Variants in SHC4 observed in about 807,000 individuals in gnomAD.
SHC4 encodes the protein SHC-transforming protein 4.
In SHC4, 41 loss-of-function variants were observed where a neutral mutation model predicts 69.4. The observed-to-expected ratio is 0.59, with a 90% CI of 0.46 to 0.77. The LOEUF (loss-of-function observed/expected upper bound fraction) is 0.77, where lower values mean the gene tolerates loss of function less well. Ranked by LOEUF, SHC4 falls within the 30% of genes least tolerant of loss-of-function variation. SHC4 has a pLI of 0.00. For missense variants in SHC4, 777 were observed against 783.8 expected (o/e 0.99, Z 0.10); for synonymous variants, 318 against 299.3 (o/e 1.06, Z -0.64).
At chr15:48,956,970 C>CTTTTT (rs1234585427) in intron 1 of SHC4, among the ~76,000 whole-genome samples, 14 of 70,166 alleles carry the variant, frequency 2.0e-4, no homozygotes, top group African/African-American at 3.7e-4. Context: ...TTCTTTCTTT[C>CTTTTT]TTTCTTTTTT....
chr15:48,857,191 G>C (rs1198643056), intron 7 of SHC4, among the ~76,000 whole-genome samples: 2 of 152,080 alleles, frequency 1.3e-5, no homozygotes, highest in Non-Finnish European at 2.9e-5. Flanking sequence ...GGGTCCCACC[G>C]TGTTCCACTC....
At chr15:48,914,761 T>C (rs1017873920) in intron 2 of SHC4, among the ~76,000 whole-genome samples, 1 of 152,196 alleles carries the variant, frequency 6.6e-6, no homozygotes, top group Non-Finnish European at 1.5e-5. Context: ...ATATACGTAA[T>C]ACAAAATTTA....
chr15:48,907,540 A>G (rs1289201324), intron 2 of SHC4, among the ~76,000 whole-genome samples: 1 of 151,970 alleles, frequency 6.6e-6, no homozygotes, highest in Non-Finnish European at 1.5e-5. Context: ...CCATACTTAT[A>G]GTCTTCTATC....
At chr15:48,855,039 G>A (rs528545569) in intron 8 of SHC4, among the ~76,000 whole-genome samples, 5 of 152,104 alleles carry the variant, frequency 3.3e-5, no homozygotes, top group Non-Finnish European at 7.4e-5. Flanking sequence ...TGAGAGTGAA[G>A]GGTGGGAGGA....
In SHC4 at chr15:48,824,531, A is replaced by G. The variant is rs1567045694; in HGVS notation, c.*1440T>C. 4.6e-5 allele frequency: 7 copies of G among 152,338 alleles called. No individual in the cohort carries two copies. In the South Asian group the frequency reaches 1.4e-3, roughly 32 times the overall value. 9.4% of individuals were successfully genotyped at this position (152,338 alleles called of 1,614,324 possible). On this transcript the variant is annotated 3_prime_UTR_variant, in exon 12 of 12. Transcript: ENST00000332408. ...ATTCCCTATATTCCAAAGTTTCAGT[A>G]TTTTAGACTGAATGGTTTGGAGTCT...
chr15:48,836,491 G>T (rs1898900527), intron 10 of SHC4, among the ~76,000 whole-genome samples: 1 of 152,034 alleles, frequency 6.6e-6, no homozygotes, highest in Non-Finnish European at 1.5e-5. Flanking sequence ...TCTGAAACTT[G>T]TATGTTTAAT....
Position 48,834,914 on chromosome 15 carries a change from A to G in SHC4, c.1592T>C (p.Leu531Pro). The change falls in exon 11 of 12, where the codon CTG becomes CCG. Residue 531 changes from leucine (L) to proline (P), a missense_variant. Leu to Pro is a moderately conservative substitution (Grantham distance 98, BLOSUM62 -3). Transcript: ENST00000332408. Reference sequence around the variant, plus strand: ...GAGGCTCTCTGCCGCCTTCCTGCTCAGCTTGCCATGATAGCATTCTTCGCT... The same window carrying G: ...GAGGCTCTCTGCCGCCTTCCTGCTCGGCTTGCCATGATAGCATTCTTCGCT... ...LWSEECYHGK[L>P]SRKAAESLLV... The G allele has an allele frequency of 6.2e-7, 1 of 1,614,086 alleles. No individual in the cohort carries two copies. The highest frequency in any genetic ancestry group is 1.1e-5 in the South Asian group (1 of 91,084).
intron 5 of SHC4, among the ~76,000 whole-genome samples, chr15:48,870,513 C>T (rs1221861197): frequency 2.0e-5 from 3 of 152,124 alleles, no homozygotes; most frequent in African/African-American, 7.2e-5. Context: ...ATACCCCAGG[C>T]TAAAAGATGA....
chr15:48,869,032 C>G (rs534593014), intron 5 of SHC4, among the ~76,000 whole-genome samples: 1 of 152,166 alleles, frequency 6.6e-6, no homozygotes, highest in Non-Finnish European at 1.5e-5. Context: ...GAGACCTCTA[C>G]AGACCTCAGT....
chr15:48,957,198 G>A (rs1324711811), intron 1 of SHC4, among the ~76,000 whole-genome samples: 2 of 151,800 alleles, frequency 1.3e-5, no homozygotes, highest in Non-Finnish European at 2.9e-5. Flanking sequence ...GGCTGGTCTC[G>A]AACTCCTGAC....
chr15:48,924,227 T>C (rs1307170253), intron 2 of SHC4, among the ~76,000 whole-genome samples: 1 of 152,044 alleles, frequency 6.6e-6, no homozygotes, highest in Non-Finnish European at 1.5e-5. Flanking sequence ...TCTCACCTCA[T>C]CTCCCTCACT....
chr15:48,847,653 T>G (rs1899117819), intron 9 of SHC4, among the ~76,000 whole-genome samples: 1 of 152,242 alleles, frequency 6.6e-6, no homozygotes, highest in South Asian at 2.1e-4. Flanking sequence ...TTTGCTATTC[T>G]GGCAACTGCT....
chr15:48,883,444 A>T (rs1326285511), intron 4 of SHC4, among the ~76,000 whole-genome samples: 1 of 152,230 alleles, frequency 6.6e-6, no homozygotes, highest in East Asian at 1.9e-4. Flanking sequence ...TGCCAAGTAC[A>T]TATTAAACCT....
intron 11 of SHC4, among the ~76,000 whole-genome samples, chr15:48,826,631 C>G (rs151033500): frequency 0.023 from 3,525 of 152,258 alleles, 66 homozygotes; most frequent in Non-Finnish European, 0.034. Context: ...GTCACCCAAT[C>G]CAAATTTGCA....
At chr15:48,866,296 C>T (rs1367435633) in intron 6 of SHC4, among the ~76,000 whole-genome samples, 1 of 152,194 alleles carries the variant, frequency 6.6e-6, no homozygotes, top group Non-Finnish European at 1.5e-5. Flanking sequence ...ACTCTTTGAC[C>T]ATGATTCATT....
At chr15:48,926,169 G>T (rs1160066516) in intron 1 of SHC4, among the ~76,000 whole-genome samples, 2 of 152,206 alleles carry the variant, frequency 1.3e-5, no homozygotes, top group African/African-American at 2.4e-5. Context: ...GGACTTAGTA[G>T]TCTTCTGTGT....
intron 4 of SHC4, chr15:48,878,377 G>C: frequency 6.2e-7 from 1 of 1,612,660 alleles, no homozygotes; most frequent in South Asian, 1.1e-5. Flanking sequence ...AGCCAATGGC[G>C]GCGCCAGAGG....
At chr15:48,856,954 C>T (rs2140983443) in intron 7 of SHC4, among the ~76,000 whole-genome samples, 1 of 152,192 alleles carries the variant, frequency 6.6e-6, no homozygotes, top group Admixed American at 6.5e-5. Flanking sequence ...TCCTTTGCTA[C>T]CCTAGACTAC....
intron 4 of SHC4, chr15:48,879,386 G>A (rs1226834300): frequency 1.8e-5 from 3 of 167,070 alleles, no homozygotes; most frequent in Non-Finnish European, 2.9e-5. Flanking sequence ...TAAAGCCACT[G>A]TGATCTATAA....
Sources: allele counts gnomAD v4.1 joint callset (sites outside exome capture counted in the v4.1 genomes callset), GRCh38; gene constraint gnomAD v4.1.1; transcripts MANE v1.5; gene names NCBI Gene and HGNC (gene_info 2026-07-23, HGNC 2026-07-21).